MED12L: variants seen among roughly 807,000 people sequenced by gnomAD.
MED12L encodes mediator of RNA polymerase II transcription subunit 12-like protein.
MED12L carries 60 observed loss-of-function variants against 281.3 expected under a neutral mutation model. The ratio of observed to expected loss-of-function variants is 0.21; its 90% CI spans 0.17 to 0.26. The LOEUF (loss-of-function observed/expected upper bound fraction) is 0.26, where lower values mean the gene tolerates loss of function less well. Ranked by LOEUF, MED12L falls within the 10% of genes least tolerant of loss-of-function variation. The probability of loss-of-function intolerance (pLI) is 1.00; values close to 1 mark genes in which losing one functional copy is unlikely to be tolerated. For missense variants in MED12L, 2,146 were observed against 2,680.9 expected (o/e 0.80, Z 4.41); for synonymous variants, 974 against 987.2 (o/e 0.99, Z 0.25).
chr3:151,287,040 T>G (rs749656122), intron 16 of MED12L, among the ~76,000 whole-genome samples: 1 of 152,144 alleles, frequency 6.6e-6, no homozygotes, highest in Non-Finnish European at 1.5e-5. Context: ...CCTTATGGGT[T>G]TGTTTTGGGG....
intron 16 of MED12L, chr3:151,213,739 G>T (rs1472339504): frequency 6.2e-7 from 1 of 1,614,134 alleles, no homozygotes; most frequent in Non-Finnish European, 8.5e-7. Flanking sequence ...CCAGAAGATG[G>T]CCACGAAGAT....
At chr3:151,416,201 T>C in intron 42 of MED12L, 111 bp from the exon 43 acceptor site, 1 of 1,582,466 alleles carries the variant, frequency 6.3e-7, no homozygotes, top group Non-Finnish European at 8.6e-7. Context: ...CAGGTATATA[T>C]TGTTTTTACT....
chr3:151,217,358 C>T (rs540007801), intron 16 of MED12L, among the ~76,000 whole-genome samples: 1 of 152,188 alleles, frequency 6.6e-6, no homozygotes, highest in Non-Finnish European at 1.5e-5. Context: ...AGGTCCAGAA[C>T]TCTGCTCTCA....
At chr3:151,436,646 A>AAAAT in exon 45 of MED12L, 1 of 1,426,988 alleles carries the variant, frequency 7.0e-7, no homozygotes, top group East Asian at 2.3e-5. Flanking sequence ...CTTCTTCCAA[A>AAAAT]AAATAAATTC....
At chr3:151,416,760 C>T (rs957268069) in intron 43 of MED12L, among the ~76,000 whole-genome samples, 2 of 152,112 alleles carry the variant, frequency 1.3e-5, no homozygotes, top group African/African-American at 4.8e-5. Flanking sequence ...GAGTGTCTTA[C>T]CATACTTTGA....
chr3:151,213,803 AT>A, intron 16 of MED12L: 2 of 1,614,188 alleles, frequency 1.2e-6, no homozygotes, highest in Non-Finnish European at 1.7e-6. Context: ...AGTTCTATAC[AT>A]TTTATTTGTG....
chr3:151,176,972 C>T (rs184053031), intron 11 of MED12L, among the ~76,000 whole-genome samples: 2 of 152,290 alleles, frequency 1.3e-5, no homozygotes, highest in East Asian at 1.9e-4. Flanking sequence ...CACCAGGCAC[C>T]GTGGAAGGTG....
chr3:151,427,894 T>C (rs1004401221), intron 43 of MED12L, among the ~76,000 whole-genome samples: 2 of 152,230 alleles, frequency 1.3e-5, no homozygotes, highest in African/African-American at 4.8e-5. Flanking sequence ...GTCTGCAAGA[T>C]GATAGATGTC....
At chr3:151,321,202 C>A (rs1178341095) in intron 16 of MED12L, among the ~76,000 whole-genome samples, 3 of 152,146 alleles carry the variant, frequency 2.0e-5, no homozygotes, top group Admixed American at 6.5e-5. Context: ...CTGATGATTG[C>A]TTGAAATGCT....
chr3:151,179,652 G>C (rs1012535305), intron 11 of MED12L, among the ~76,000 whole-genome samples: 4 of 152,160 alleles, frequency 2.6e-5, no homozygotes, highest in Admixed American at 1.3e-4. Context: ...GGCTGAGAAC[G>C]ACCCCTCTTG....
chr3:151,379,559 C>T (rs924581829), intron 31 of MED12L, among the ~76,000 whole-genome samples: 14 of 152,256 alleles, frequency 9.2e-5, no homozygotes, highest in African/African-American at 3.1e-4. Flanking sequence ...CACTAGGGGT[C>T]GCCAGCAAGT....
intron 13 of MED12L, 111 bp downstream of exon 13, chr3:151,188,591 T>TTA: frequency 8.7e-7 from 1 of 1,156,002 alleles, no homozygotes; most frequent in Non-Finnish European, 1.2e-6. Context: ...GCACTGAATA[T>TTA]AATGTATGTT....
At chr3:151,111,120 G>A (rs1294579663) in intron 2 of MED12L, among the ~76,000 whole-genome samples, 1 of 152,238 alleles carries the variant, frequency 6.6e-6, no homozygotes, top group Non-Finnish European at 1.5e-5. Flanking sequence ...TCTGATAGAT[G>A]TAAAAGTTAG....
At position 151,294,807 on chromosome 3, in the gene MED12L, A is replaced by T. The variant is rs765245100; in HGVS notation, c.2251-55252A>T. The T allele has an allele frequency of 2.1e-5, 34 of 1,614,044 alleles. No individual in the cohort carries two copies. In the East Asian group the frequency reaches 5.6e-4, roughly 26 times the overall value. On this transcript the variant is annotated intron_variant, in intron 16 of 44. Coordinates refer to ENST00000687756, the MANE Select transcript of MED12L (RefSeq NM_001393769.1). ...ATGCTGTACATCCGAGAGTCCCCAA[A>T]TGGCTTGACCACCTTCAGATAGCGA...
intron 2 of MED12L, among the ~76,000 whole-genome samples, chr3:151,113,777 GTT>G (rs1214522009): frequency 2.0e-5 from 3 of 152,156 alleles, no homozygotes; most frequent in Non-Finnish European, 4.4e-5. Flanking sequence ...GGGATTCTGA[GTT>G]TGTGCACACA....
chr3:151,420,944 G>A (rs1208137462), intron 43 of MED12L, among the ~76,000 whole-genome samples: 1 of 152,194 alleles, frequency 6.6e-6, no homozygotes, highest in Non-Finnish European at 1.5e-5. Flanking sequence ...TTCCATGGTG[G>A]AAGAAGTCCA....
intron 27 of MED12L, 120 bp downstream of exon 27, chr3:151,372,886 G>A (rs890601511): frequency 1.0e-5 from 7 of 683,980 alleles, no homozygotes; most frequent in South Asian, 4.5e-5. Context: ...ACTTTATTTC[G>A]AAATAATTTT....
chr3:151,375,124 G>A (rs1181131988), intron 27 of MED12L, among the ~76,000 whole-genome samples: 2 of 152,198 alleles, frequency 1.3e-5, no homozygotes, highest in East Asian at 3.8e-4. Context: ...ATCAGCTGGG[G>A]CATTTAAAAC....
intron 4 of MED12L, among the ~76,000 whole-genome samples, chr3:151,127,027 A>G (rs1016896955): frequency 6.6e-6 from 1 of 152,116 alleles, no homozygotes; most frequent in Non-Finnish European, 1.5e-5. Context: ...GTCTTTGTTC[A>G]CTGTTTTTCT....
Sources: allele counts gnomAD v4.1 joint callset (sites outside exome capture counted in the v4.1 genomes callset), GRCh38; gene constraint gnomAD v4.1.1; transcripts MANE v1.5; gene names NCBI Gene and HGNC (gene_info 2026-07-23, HGNC 2026-07-21).